KHDRBS2: variants seen among roughly 807,000 people sequenced by gnomAD.
KHDRBS2 encodes KH domain-containing, RNA-binding, signal transduction-associated protein 2.
In KHDRBS2, 26 loss-of-function variants were observed where a neutral mutation model predicts 44.3. The observed-to-expected ratio is 0.59, with a 90% CI of 0.43 to 0.81. The LOEUF is 0.81. KHDRBS2 is among the 40% of genes least tolerant of loss of function. KHDRBS2 has a pLI of 0.00. For synonymous variants in KHDRBS2, 194 were observed against 151.1 expected, an observed-to-expected ratio of 1.28 and a Z score of -2.08; for missense variants, 476 against 433.1, an observed-to-expected ratio of 1.10 and a Z score of -0.88.
intron 6 of KHDRBS2, among the ~76,000 whole-genome samples, chr6:61,780,769 C>A (rs1208663063): frequency 1.3e-5 from 2 of 150,350 alleles, no homozygotes; most frequent in Non-Finnish European, 2.9e-5. Context: ...AAATAGTAAA[C>A]CATTTATAAT....
the KHDRBS2 span, among the ~76,000 whole-genome samples, chr6:61,609,948 A>G: frequency 6.6e-6 from 1 of 152,114 alleles, no homozygotes; most frequent in East Asian, 1.9e-4. Context: ...CCAAGGCGGG[A>G]GGATCACGAG....
intron 3 of KHDRBS2, among the ~76,000 whole-genome samples, chr6:61,995,510 C>T (rs1777004250): frequency 6.6e-6 from 1 of 152,104 alleles, no homozygotes; most frequent in Non-Finnish European, 1.5e-5. Flanking sequence ...TCTCACCTGC[C>T]TGTTTGCTTT....
intron 4 of KHDRBS2, among the ~76,000 whole-genome samples, chr6:61,977,795 A>C (rs1772990859): frequency 6.6e-6 from 1 of 152,130 alleles, no homozygotes; most frequent in African/African-American, 2.4e-5. Context: ...CTGTTTATAA[A>C]CATGTCTTTT....
chr6:61,878,852 G>C (rs1244911733), intron 6 of KHDRBS2, among the ~76,000 whole-genome samples: 2 of 151,868 alleles, frequency 1.3e-5, no homozygotes, highest in African/African-American at 2.4e-5. Context: ...TTGTAAAATG[G>C]GCATAATACC....
chr6:61,727,785 G>T (rs2127558744), intron 7 of KHDRBS2, among the ~76,000 whole-genome samples: 1 of 151,912 alleles, frequency 6.6e-6, no homozygotes, highest in East Asian at 1.9e-4. Flanking sequence ...ACATGCTCGT[G>T]AAGTTGCAGG....
At chr6:61,593,172 T>G in the KHDRBS2 span, among the ~76,000 whole-genome samples, 5 of 152,208 alleles carry the variant, frequency 3.3e-5, no homozygotes, top group Non-Finnish European at 5.9e-5. Context: ...TAGTAAACTT[T>G]CTGCATAATT....
chr6:62,239,948 G>C (rs1162481463), intron 1 of KHDRBS2, among the ~76,000 whole-genome samples: 4 of 152,088 alleles, frequency 2.6e-5, no homozygotes, highest in Non-Finnish European at 5.9e-5. Context: ...GCCTCCCAAA[G>C]TGCTGGGATT....
intron 1 of KHDRBS2, among the ~76,000 whole-genome samples, chr6:62,254,987 G>A (rs763305027): frequency 6.6e-6 from 1 of 152,038 alleles, no homozygotes; most frequent in Non-Finnish European, 1.5e-5. Flanking sequence ...TATTGCTGTT[G>A]TTTCTCCCAT....
intron 3 of KHDRBS2, among the ~76,000 whole-genome samples, chr6:62,034,740 T>C (rs926872803): frequency 8.3e-5 from 11 of 132,588 alleles, no homozygotes; most frequent in African/African-American, 1.9e-4. Context: ...ATCAGGAAGA[T>C]GACAAGAATG....
chr6:62,051,409 C>A (rs7741324), intron 2 of KHDRBS2, among the ~76,000 whole-genome samples: 106,621 of 151,800 alleles, frequency 0.7, 39,091 homozygotes, highest in East Asian at 0.82. Flanking sequence ...CAATTTCATT[C>A]TTTTGCATAT....
chr6:61,739,625 A>C (rs1775868554), intron 6 of KHDRBS2, among the ~76,000 whole-genome samples: 1 of 151,972 alleles, frequency 6.6e-6, no homozygotes, highest in Admixed American at 6.6e-5. Context: ...AAATCTGCAT[A>C]ATTAACATTT....
At chr6:62,218,469 G>C (rs1830376873) in intron 1 of KHDRBS2, among the ~76,000 whole-genome samples, 1 of 151,544 alleles carries the variant, frequency 6.6e-6, no homozygotes, top group African/African-American at 2.4e-5. Flanking sequence ...AATGGGCAAA[G>C]GCCCAGAAAG....
intron 4 of KHDRBS2, among the ~76,000 whole-genome samples, chr6:61,939,418 T>C (rs1460652493): frequency 6.6e-6 from 1 of 152,208 alleles, no homozygotes; most frequent in Admixed American, 6.5e-5. Flanking sequence ...TTACCCCCTG[T>C]AATTCCTCAA....
At chr6:61,614,382 A>T in the KHDRBS2 span, among the ~76,000 whole-genome samples, 4 of 152,228 alleles carry the variant, frequency 2.6e-5, no homozygotes, top group Admixed American at 1.3e-4. Flanking sequence ...CTAATATTTT[A>T]AAAAAGAATC....
At chr6:61,989,868 A>G (rs1775801531) in intron 3 of KHDRBS2, among the ~76,000 whole-genome samples, 1 of 152,104 alleles carries the variant, frequency 6.6e-6, no homozygotes, top group South Asian at 2.1e-4. Flanking sequence ...GCTCCACCTT[A>G]GCATAGAACA....
intron 4 of KHDRBS2, among the ~76,000 whole-genome samples, chr6:61,965,575 G>T (rs73760147): frequency 6.6e-6 from 1 of 152,058 alleles, no homozygotes; most frequent in African/African-American, 2.4e-5. Context: ...GTCAGGTAGT[G>T]AAAAATCTGA....
At chr6:61,783,818 G>T (rs1044922248) in intron 6 of KHDRBS2, among the ~76,000 whole-genome samples, 1 of 152,048 alleles carries the variant, frequency 6.6e-6, no homozygotes, top group Non-Finnish European at 1.5e-5. Context: ...CTTGGGCTTT[G>T]TTGTTCATCA....
At chr6:61,649,427 G>T in the KHDRBS2 span, among the ~76,000 whole-genome samples, 1 of 152,140 alleles carries the variant, frequency 6.6e-6, no homozygotes, top group Non-Finnish European at 1.5e-5. Context: ...GGGCTAGTGG[G>T]TGTCAGCCTA....
At chr6:61,752,537 C>A (rs1419277385) in intron 6 of KHDRBS2, among the ~76,000 whole-genome samples, 4 of 151,916 alleles carry the variant, frequency 2.6e-5, no homozygotes, top group Non-Finnish European at 5.9e-5. Flanking sequence ...CTTAAATTTG[C>A]ATTCCATTAG....
Sources: allele counts gnomAD v4.1 joint callset (sites outside exome capture counted in the v4.1 genomes callset), GRCh38; gene constraint gnomAD v4.1.1; transcripts MANE v1.5; gene names NCBI Gene and HGNC (gene_info 2026-07-23, HGNC 2026-07-21).